The following PCDHA4 variants were observed in gnomAD, a reference collection of about 807,000 sequenced individuals.
The protein encoded by PCDHA4 is protocadherin alpha 4, also known as protocadherin alpha-4.
A neutral mutation model predicts 61.4 loss-of-function variants in PCDHA4; 49 were observed. That is an observed-to-expected ratio of 0.80 (90% CI 0.63 to 1.01). PCDHA4 has a LOEUF of 1.01. PCDHA4 is among the 50% of genes least tolerant of loss of function. PCDHA4 has a pLI of 0.00. For missense variants in PCDHA4, 1,254 were observed against 1,235.8 expected, an observed-to-expected ratio of 1.01 and a Z score of -0.22; for synonymous variants, 590 against 550.3, an observed-to-expected ratio of 1.07 and a Z score of -1.01.
In PCDHA4 at chr5:140,855,924, G is replaced by A. The variant is rs990164410; in HGVS notation, c.2385+46352G>A. 3.2e-5 allele frequency: 40 copies of A among 1,236,784 alleles called. 2 individuals are homozygous for A. In the Admixed American group the frequency reaches 7.8e-4, roughly 24 times the overall value. 76.6% of individuals were successfully genotyped at this position (1,236,784 alleles called of 1,614,324 possible). A position where few individuals can be genotyped will look rare whatever the true frequency, so the allele number is the denominator to read the frequency against. On this transcript the variant is annotated intron_variant, in intron 1 of 3. Coordinates refer to ENST00000530339, the MANE Select transcript of PCDHA4 (RefSeq NM_018907.4). ...CCAGTTTCTCAAGGACTAGGAAGTA[G>A]CGTCATTCTGAGATCTCAGCCATTT...
intron 1 of PCDHA4, chr5:140,827,870 T>A: frequency 1.6e-6 from 1 of 629,348 alleles, no homozygotes; most frequent in Non-Finnish European, 2.7e-6. Flanking sequence ...GGTATAGCAC[T>A]GTTACGTGAA....
At chr5:140,817,553 G>A (rs1766158365) in intron 1 of PCDHA4, 2 of 152,034 alleles carry the variant, frequency 1.3e-5, no homozygotes, top group African/African-American at 4.8e-5. Context: ...ACACATCCTT[G>A]ACTTATTACC....
intron 1 of PCDHA4, among the ~76,000 whole-genome samples, chr5:140,924,669 C>T (rs2081944464): frequency 6.6e-6 from 1 of 151,998 alleles, no homozygotes; most frequent in African/African-American, 2.4e-5. Flanking sequence ...CCGAGGCAGG[C>T]CAATCACTTG....
At chr5:140,858,372 C>T in intron 1 of PCDHA4, 1 of 1,587,864 alleles carries the variant, frequency 6.3e-7, no homozygotes, top group Non-Finnish European at 8.6e-7. Flanking sequence ...CCCAGCCTTC[C>T]ACCATGCCCA....
chr5:141,002,356 C>G (rs2098075572), intron 3 of PCDHA4, among the ~76,000 whole-genome samples: 1 of 152,272 alleles, frequency 6.6e-6, no homozygotes, highest in Non-Finnish European at 1.5e-5. Flanking sequence ...CACCTCCACT[C>G]CTTTCAACTC....
At chr5:140,868,767 C>A in intron 1 of PCDHA4, 1 of 249,464 alleles carries the variant, frequency 4.0e-6, no homozygotes, top group East Asian at 8.4e-5. Context: ...TATTTAGTTT[C>A]AATATGACTT....
At chr5:140,949,171 C>T (rs1554218845) in intron 1 of PCDHA4, among the ~76,000 whole-genome samples, 1 of 151,632 alleles carries the variant, frequency 6.6e-6, no homozygotes, top group Non-Finnish European at 1.5e-5. Flanking sequence ...CTCTTTTGGT[C>T]AGAGAACATA....
At chr5:140,883,760 C>A in intron 1 of PCDHA4, 1 of 1,612,790 alleles carries the variant, frequency 6.2e-7, no homozygotes, top group Non-Finnish European at 8.5e-7. Flanking sequence ...GGTGGAGCGG[C>A]GGGTGGGCGA....
intron 1 of PCDHA4, among the ~76,000 whole-genome samples, chr5:140,892,977 G>A (rs188368199): frequency 1.8e-4 from 27 of 152,270 alleles, no homozygotes; most frequent in Admixed American, 6.5e-4. Flanking sequence ...TTTTGTAGCT[G>A]CCGTATAAGT....
chr5:140,950,862 A>G (rs2094526538), intron 1 of PCDHA4, among the ~76,000 whole-genome samples: 1 of 151,952 alleles, frequency 6.6e-6, no homozygotes, highest in African/African-American at 2.4e-5. Context: ...ATATTCTTGT[A>G]TATTCTATAT....
chr5:140,862,679 TG>T, intron 1 of PCDHA4: 1 of 551,310 alleles, frequency 1.8e-6, no homozygotes, highest in Non-Finnish European at 3.6e-6. Flanking sequence ...GAGAACGTGC[TG>T]GTGTCCTACT....
At chr5:140,851,689 TAA>T in intron 1 of PCDHA4, 1 of 934,422 alleles carries the variant, frequency 1.1e-6, no homozygotes, top group Non-Finnish European at 1.3e-6. Context: ...CATTCAGTGA[TAA>T]AATGATCAGC....
chr5:140,951,321 A>AT (rs2094571430), intron 1 of PCDHA4, among the ~76,000 whole-genome samples: 1 of 152,098 alleles, frequency 6.6e-6, no homozygotes, highest in Non-Finnish European at 1.5e-5. Context: ...TATTCTTGAG[A>AT]TTCATCATTC....
intron 1 of PCDHA4, chr5:140,967,193 G>A (rs1190093681): frequency 6.2e-7 from 1 of 1,613,392 alleles, no homozygotes; most frequent in Non-Finnish European, 8.5e-7. Flanking sequence ...GGACATCAAC[G>A]ACAACTCACC....
At chr5:140,836,762 C>T (rs2150269461) in intron 1 of PCDHA4, 3 of 1,567,656 alleles carry the variant, frequency 1.9e-6, no homozygotes, top group Non-Finnish European at 2.6e-6. Context: ...AATCTTGTTT[C>T]CAACAATTTT....
chr5:140,841,454 G>A, intron 1 of PCDHA4: 1 of 1,612,938 alleles, frequency 6.2e-7, no homozygotes, highest in Non-Finnish European at 8.5e-7. Context: ...CGGCACCTTC[G>A]TGGGCCGGAT....
intron 1 of PCDHA4, chr5:140,825,391 T>C (rs1768537331): frequency 1.4e-5 from 2 of 143,592 alleles, no homozygotes; most frequent in East Asian, 3.9e-4. Flanking sequence ...CTAATATATA[T>C]CTAATATATT....
intron 1 of PCDHA4, among the ~76,000 whole-genome samples, chr5:140,978,150 C>A (rs1009630892): frequency 6.6e-6 from 1 of 152,168 alleles, no homozygotes; most frequent in Non-Finnish European, 1.5e-5. Context: ...TTGTTCTCCC[C>A]CTTCAGACTG....
At chr5:140,868,877 C>A in intron 1 of PCDHA4, 1 of 684,342 alleles carries the variant, frequency 1.5e-6, no homozygotes, top group Non-Finnish European at 2.3e-6. Flanking sequence ...GCACAGTACT[C>A]ACAGTTTTAG....
Sources: allele counts gnomAD v4.1 joint callset (sites outside exome capture counted in the v4.1 genomes callset), GRCh38; gene constraint gnomAD v4.1.1; transcripts MANE v1.5; gene names NCBI Gene and HGNC (gene_info 2026-07-23, HGNC 2026-07-21).